The following HS6ST2 variants were observed in gnomAD, a reference collection of about 807,000 sequenced individuals.
HS6ST2 encodes heparan sulfate 6-O-sulfotransferase 2.
Under a neutral mutation model 33.0 loss-of-function variants are expected in HS6ST2, and 17 were observed. That is an observed-to-expected ratio of 0.52 (90% confidence interval 0.35 to 0.77). The LOEUF is 0.77. HS6ST2 is among the 30% of genes least tolerant of loss of function. HS6ST2 has a pLI of 0.01. For missense variants in HS6ST2, 519 were observed against 551.7 expected, an observed-to-expected ratio of 0.94 and a Z score of 0.59; for synonymous variants, 248 against 237.1, an observed-to-expected ratio of 1.05 and a Z score of -0.42.
At chrX:132,645,918 G>A (rs943901607) in intron 4 of HS6ST2, among the ~76,000 whole-genome samples, 2 of 111,377 alleles carry the variant, frequency 1.8e-5, no homozygotes, top group Non-Finnish European at 1.9e-5. Context: ...CTTCTTCATA[G>A]AGCCTTACAC....
At chrX:132,781,883 G>A (rs187567753) in intron 2 of HS6ST2, among the ~76,000 whole-genome samples, 1 of 112,125 alleles carries the variant, frequency 8.9e-6, no homozygotes, top group East Asian at 2.8e-4. Context: ...TACAATTCAA[G>A]ATGTGATTTG....
At chrX:132,834,337 A>C (rs2065621071) in intron 2 of HS6ST2, among the ~76,000 whole-genome samples, 1 of 112,283 alleles carries the variant, frequency 8.9e-6, no homozygotes, top group Admixed American at 9.5e-5. Flanking sequence ...TGAGAGGTTA[A>C]ATGATCTGTT....
At chrX:132,804,621 G>A (rs1307362956) in intron 2 of HS6ST2, among the ~76,000 whole-genome samples, 1 of 111,482 alleles carries the variant, frequency 9.0e-6, no homozygotes, top group Non-Finnish European at 1.9e-5. Context: ...GCAACATGGT[G>A]AAACCTCATT....
At chrX:132,931,924 C>T (rs776503770) in intron 2 of HS6ST2, among the ~76,000 whole-genome samples, 39 of 109,900 alleles carry the variant, frequency 3.5e-4, no homozygotes, top group East Asian at 1.7e-3. Context: ...AGGTGGCTCA[C>T]GCCTGTAATC....
chrX:132,935,722 T>C (rs2066816266), intron 2 of HS6ST2, among the ~76,000 whole-genome samples: 1 of 110,170 alleles, frequency 9.1e-6, no homozygotes, highest in South Asian at 3.9e-4. Flanking sequence ...CACTGCAAAA[T>C]AACCAATAAG....
intron 4 of HS6ST2, among the ~76,000 whole-genome samples, chrX:132,636,987 G>C (rs1299435861): frequency 8.9e-6 from 1 of 112,145 alleles, no homozygotes; most frequent in African/African-American, 3.2e-5. Context: ...TCTGGGTCAC[G>C]CCTCAAGTTA....
intron 2 of HS6ST2, among the ~76,000 whole-genome samples, chrX:132,775,539 A>T (rs946987472): frequency 8.9e-6 from 1 of 111,790 alleles, no homozygotes; most frequent in Non-Finnish European, 1.9e-5. Flanking sequence ...TACTAAAAAG[A>T]TTTCTTTATG....
intron 2 of HS6ST2, among the ~76,000 whole-genome samples, chrX:132,821,164 T>C (rs907651232): frequency 9.2e-6 from 1 of 109,100 alleles, no homozygotes; most frequent in African/African-American, 3.3e-5. Flanking sequence ...AAAAGCAGTT[T>C]TTCCTCACTG....
intron 2 of HS6ST2, among the ~76,000 whole-genome samples, chrX:132,915,954 C>T (rs2066584696): frequency 9.2e-6 from 1 of 109,216 alleles, no homozygotes; most frequent in East Asian, 2.9e-4. Flanking sequence ...AGGCTGGTCT[C>T]GAACTCCTGA....
At chrX:132,717,268 T>A (rs2064283477) in intron 2 of HS6ST2, among the ~76,000 whole-genome samples, 2 of 112,801 alleles carry the variant, frequency 1.8e-5, no homozygotes, top group African/African-American at 3.2e-5. Context: ...CAGCCCCAAA[T>A]GAAAAGAGGC....
intron 3 of HS6ST2, among the ~76,000 whole-genome samples, chrX:132,674,065 C>G (rs1779156276): frequency 9.0e-6 from 1 of 111,590 alleles, no homozygotes; most frequent in Non-Finnish European, 1.9e-5. Context: ...GAGTCCTTGC[C>G]CCTTTAAGTA....
chrX:132,906,556 G>T (rs951846295), intron 2 of HS6ST2, among the ~76,000 whole-genome samples: 1 of 111,791 alleles, frequency 8.9e-6, no homozygotes, highest in Non-Finnish European at 1.9e-5. Flanking sequence ...TTCATCCCCA[G>T]TGTTAGAGGT....
At chrX:132,703,911 T>C (rs1172390253) in intron 3 of HS6ST2, among the ~76,000 whole-genome samples, 2 of 112,002 alleles carry the variant, frequency 1.8e-5, no homozygotes, top group African/African-American at 3.2e-5. Flanking sequence ...CTAAATTAAA[T>C]TGTCAATGTA....
intron 2 of HS6ST2, among the ~76,000 whole-genome samples, chrX:132,816,139 C>G (rs1029912688): frequency 9.0e-6 from 1 of 111,605 alleles, no homozygotes; most frequent in Non-Finnish European, 1.9e-5. Flanking sequence ...ATTAATGGAA[C>G]AATTTGTGTG....
intron 4 of HS6ST2, among the ~76,000 whole-genome samples, chrX:132,638,471 A>C (rs2063578434): frequency 1.8e-5 from 2 of 111,745 alleles, no homozygotes; most frequent in Admixed American, 9.5e-5. Flanking sequence ...GTGCCTGTAG[A>C]TGTGTTGTTT....
intron 2 of HS6ST2, among the ~76,000 whole-genome samples, chrX:132,920,430 GA>G (rs60133417): frequency 0.11 from 12,217 of 108,660 alleles, 1,664 homozygotes; most frequent in African/African-American, 0.38. Flanking sequence ...TTAAAACACA[GA>G]AAAAAAAATC....
At chrX:132,787,186 T>TATATATATATATAC (rs1257971724) in intron 2 of HS6ST2, among the ~76,000 whole-genome samples, 2 of 77,156 alleles carry the variant, frequency 2.6e-5, no homozygotes, top group East Asian at 4.6e-4. Flanking sequence ...TATATATATA[T>TATATATATATATAC]ACATATATAT....
chrX:132,854,529 C>T lies in HS6ST2; in HGVS notation c.947+102279G>A, dbSNP rs138017093. ...ATAAGTGCAAAAACATTTTAAAGAG[C>T]ATAAACCATTACATGTGTTTAACTT... is the stretch of plus-strand genomic sequence containing the variant. On this transcript the variant is annotated intron_variant, in intron 2 of 4. Transcript: ENST00000370833. Among the ~76,000 whole-genome samples the T allele has an allele frequency of 4.3e-3, 484 of 112,453 alleles. 1 individual carries two copies. Among genetic ancestry groups the T allele is most frequent in the African/African-American group, 0.013 (398 of 31,017 alleles).
chrX:132,855,104 A>G (rs923695702), intron 2 of HS6ST2, among the ~76,000 whole-genome samples: 2 of 111,993 alleles, frequency 1.8e-5, no homozygotes, highest in Admixed American at 1.9e-4. Flanking sequence ...TTACCTTCAA[A>G]TCTTCCCACT....
Sources: allele counts gnomAD v4.1 joint callset (sites outside exome capture counted in the v4.1 genomes callset), GRCh38; gene constraint gnomAD v4.1.1; transcripts MANE v1.5; gene names NCBI Gene and HGNC (gene_info 2026-07-23, HGNC 2026-07-21).